The following DENND3 variants were observed in gnomAD, a reference collection of about 807,000 sequenced individuals.
DENND3 encodes the protein DENN domain containing 3.
Under a neutral mutation model 135.1 loss-of-function variants are expected in DENND3, and 88 were observed. The ratio of observed to expected loss-of-function variants is 0.65; its 90% CI spans 0.55 to 0.78. DENND3 has a LOEUF of 0.78. DENND3 is among the 30% of genes least tolerant of loss of function. The pLI is 0.00. For synonymous variants in DENND3, 693 were observed against 712.3 expected (o/e 0.97, Z 0.43); for missense variants, 1,392 against 1,688.4 (o/e 0.82, Z 3.08).
chr8:141,191,355 A>G (rs1824728303), intron 20 of DENND3: 2 of 152,242 alleles, frequency 1.3e-5, no homozygotes, highest in Non-Finnish European at 2.9e-5. Flanking sequence ...TCTGAGTATC[A>G]ATATCAATAG....
Position 141,175,634 on chromosome 8 carries a change from T to TA in DENND3, c.2535+176dup, listed in dbSNP as rs1286594056. 1.1e-6 allele frequency: 1 copy of TA among 914,156 alleles called. No individual in the cohort carries two copies. Among genetic ancestry groups the TA allele is most frequent in the African/African-American group, 1.6e-5 (1 of 60,988 alleles). 56.6% of individuals were successfully genotyped at this position (914,156 alleles called of 1,614,324 possible). ...ATCTGTAAAGTAGGAATAAGGCTGA[T>TA]ACCTTCTCAGTGGGTGGTGGAGATT... On this transcript the variant is annotated intron_variant, in intron 14 of 22. Coordinates refer to ENST00000519811, the MANE Select transcript of DENND3 (RefSeq NM_001352890.3). The surrounding 1 kb of genome is among the most constrained non-coding windows in gnomAD (Gnocchi z 5.4).
intron 18 of DENND3, among the ~76,000 whole-genome samples, chr8:141,187,904 A>G (rs1426901844): frequency 6.6e-6 from 1 of 152,224 alleles, no homozygotes; most frequent in Non-Finnish European, 1.5e-5. Context: ...AAGCATTTCA[A>G]GGCTGGGCGC....
intron 3 of DENND3, among the ~76,000 whole-genome samples, chr8:141,140,162 A>G (rs1817276930): frequency 6.6e-6 from 1 of 152,132 alleles, no homozygotes. Context: ...TCAGCCTCCA[A>G]AAGTGTTGGG....
chr8:141,131,878 C>T (rs915689712), intron 1 of DENND3, among the ~76,000 whole-genome samples: 2 of 152,056 alleles, frequency 1.3e-5, no homozygotes, highest in Non-Finnish European at 2.9e-5. Flanking sequence ...ACTAGCGTCT[C>T]GGTGGTGGCG....
At position 141,160,717 on chromosome 8, in the gene DENND3, C is replaced by A. The variant is rs753582837; in HGVS notation, c.1282C>A (p.Arg428=). 6.2e-7 allele frequency: 1 copy of A among 1,613,208 alleles called. No individual in the cohort carries two copies. Among genetic ancestry groups the A allele is most frequent in the Non-Finnish European group, 8.5e-7 (1 of 1,179,860 alleles). ...TDLKEGRAHR[R]SWQQKLNCQI... is the part of the protein sequence containing the mutation. The stretch of plus-strand genomic sequence containing the variant: ...CCTGAAGGAGGGCCGAGCCCACCGG[C>A]GGTCCTGGCAGCAGAAACTCAACTG... Residue 428 remains arginine (R), a synonymous_variant, in exon 9 of 23, where the codon CGG becomes AGG. Coordinates refer to ENST00000519811, the MANE Select transcript of DENND3 (RefSeq NM_001352890.3).
chr8:141,168,579 G>C lies in DENND3; in HGVS notation c.2275+54G>C, dbSNP rs1360217368. On this transcript the variant is annotated intron_variant, in intron 13 of 22. Coordinates refer to ENST00000519811, the MANE Select transcript of DENND3 (RefSeq NM_001352890.3). The surrounding 1 kb of genome is among the most constrained non-coding windows in gnomAD (Gnocchi z 6.2). ...TTTTATTATTTAGAGACAGGGTCTG[G>C]CTCTGTCGCCCAGGCTGGAGTGGAC... The C allele has an allele frequency of 6.5e-7, 1 of 1,542,234 alleles. No homozygotes were observed. Among genetic ancestry groups the C allele is most frequent in the Middle Eastern group, 1.8e-4 (1 of 5,674 alleles).
chr8:141,143,068 A>G (rs886907500), intron 4 of DENND3: 1 of 152,232 alleles, frequency 6.6e-6, no homozygotes, highest in Non-Finnish European at 1.5e-5. Context: ...TCAGAACTAG[A>G]AGGGGCGAAA....
Position 141,194,026 on chromosome 8 carries a change from C to T in DENND3, c.3637-7C>T, listed in dbSNP as rs934170313. 12 of 1,612,792 alleles carry T rather than the reference C, an allele frequency of 7.4e-6. No individual in the cohort carries two copies. Among genetic ancestry groups the T allele is most frequent in the East Asian group, 2.2e-5 (1 of 44,866 alleles). On this transcript the variant is annotated splice_region_variant and splice_polypyrimidine_tract_variant and intron_variant, in intron 22 of 22. Transcript: ENST00000519811. ...CCCTGCTGACCCCTCCCGTTTCTCC[C>T]TGGCAGGTCTGGGTGGGCAGCCGAG...
intron 20 of DENND3, chr8:141,191,785 T>C (rs1824796673): frequency 6.5e-6 from 1 of 152,856 alleles, no homozygotes; most frequent in South Asian, 2.1e-4. Flanking sequence ...CGGTTGTCCT[T>C]CTTCCCCTCA....
intron 1 of DENND3, among the ~76,000 whole-genome samples, chr8:141,135,289 C>G (rs893503624): frequency 5.3e-5 from 8 of 151,996 alleles, no homozygotes; most frequent in Non-Finnish European, 8.8e-5. Context: ...GTAGCTGGGA[C>G]CACAGGCATG....
chr8:141,192,718 G>A, intron 22 of DENND3, 55 bp downstream of exon 22: 2 of 1,609,202 alleles, frequency 1.2e-6, no homozygotes, highest in East Asian at 2.2e-5. Flanking sequence ...GCTTGCCCTG[G>A]CCGCATCCCC....
At chr8:141,136,224 C>T (rs575357505) in intron 1 of DENND3, among the ~76,000 whole-genome samples, 21 of 152,288 alleles carry the variant, frequency 1.4e-4, no homozygotes, top group Non-Finnish European at 2.5e-4. Context: ...GATCCCAGTC[C>T]GCAGCCTGGA....
chr8:141,190,587 C>A, intron 20 of DENND3, 170 bp downstream of exon 20: 1 of 1,070,188 alleles, frequency 9.3e-7, no homozygotes, highest in Non-Finnish European at 1.3e-6. Flanking sequence ...ACCTGCACTG[C>A]TGCTCCTGGG....
chr8:141,156,723 G>A lies in DENND3; in HGVS notation c.1196+753G>A, dbSNP rs140801063. ...CTGATGGGCATGACGCATTCTGTCC[G>A]AGCTAGAAGTTGTCCATTTCTTTCA... is the stretch of plus-strand genomic sequence containing the variant. On this transcript the variant is annotated intron_variant, in intron 8 of 22. Coordinates refer to ENST00000519811, the MANE Select transcript of DENND3 (RefSeq NM_001352890.3). 2.5e-3 allele frequency among the ~76,000 whole-genome samples: 386 copies of A among 152,042 alleles called. 1 individual carries two copies. The highest frequency in any genetic ancestry group is 8.7e-3 in the African/African-American group (361 of 41,478).
rs1025820419 is a variant in DENND3, at chr8:141,190,642, G to C, written c.3379+225G>C. On this transcript the variant is annotated intron_variant, in intron 20 of 22. Transcript: ENST00000519811. Reference sequence around the variant, plus strand: ...TGCCTTTCTACCCAGCGGCTGACGGGATGCCTGTCTTGCCTGGACGCACCA... The same window carrying C: ...TGCCTTTCTACCCAGCGGCTGACGGCATGCCTGTCTTGCCTGGACGCACCA... 17 of 578,194 alleles carry C rather than the reference G, an allele frequency of 2.9e-5. No homozygotes were observed. The African/African-American group carries it at 3.1e-4, about 10-fold the overall frequency. The allele number at this position is 578,194 out of a possible 1,614,324, so 35.8% of individuals were successfully genotyped here.
At position 141,139,338 on chromosome 8, in the gene DENND3, C is replaced by T. The variant is rs962149439; in HGVS notation, c.501+1201C>T. Among the ~76,000 whole-genome samples, 11 of 152,134 alleles carry T rather than the reference C, an allele frequency of 7.2e-5. No individual in the cohort carries two copies. Among genetic ancestry groups the T allele is most frequent in the Non-Finnish European group, 1.3e-4 (9 of 68,030 alleles). On this transcript the variant is annotated intron_variant, in intron 3 of 22. Coordinates refer to ENST00000519811, the MANE Select transcript of DENND3 (RefSeq NM_001352890.3). The surrounding 1 kb of genome is among the most constrained non-coding windows in gnomAD (Gnocchi z 4.2). ...GCTCATGGGGCAGCACAGACAGGCCCGGATGTTCTTAATGAATATGCAGGA... is the reference window on the plus strand; with the variant it reads ...GCTCATGGGGCAGCACAGACAGGCCTGGATGTTCTTAATGAATATGCAGGA...
chr8:141,168,627 C>A lies in DENND3; in HGVS notation c.2275+102C>A. On this transcript the variant is annotated intron_variant, in intron 13 of 22. Transcript: ENST00000519811. This position sits in a 1 kb window ranked among gnomAD's most constrained non-coding sequence, Gnocchi z 6.2. Reference sequence around the variant, plus strand: ...GACTGGCAATCACAGCTCACTGCAACCTCCACCTCCTGGGCTCAAGCAGTC... The same window carrying A: ...GACTGGCAATCACAGCTCACTGCAAACTCCACCTCCTGGGCTCAAGCAGTC... 7.2e-7 allele frequency: 1 copy of A among 1,396,650 alleles called. No individual in the cohort carries two copies. The highest frequency in any genetic ancestry group is 9.6e-7 in the Non-Finnish European group (1 of 1,044,398). The allele number at this position is 1,396,650 out of a possible 1,614,324, so 86.5% of individuals were successfully genotyped here.
intron 18 of DENND3, among the ~76,000 whole-genome samples, chr8:141,185,837 A>G (rs77776745): frequency 0.069 from 10,439 of 151,800 alleles, 898 homozygotes; most frequent in African/African-American, 0.21. Flanking sequence ...ACAGACAAAT[A>G]ATAATAATAA....
chr8:141,138,601 G>C lies in DENND3; in HGVS notation c.501+464G>C, dbSNP rs888418436. Among the ~76,000 whole-genome samples, 47 of 152,038 alleles carry C rather than the reference G, an allele frequency of 3.1e-4. 1 individual carries two copies. Among genetic ancestry groups the C allele is most frequent in the Non-Finnish European group, 5.9e-5 (4 of 68,000 alleles). On this transcript the variant is annotated intron_variant, in intron 3 of 22. Coordinates refer to ENST00000519811, the MANE Select transcript of DENND3 (RefSeq NM_001352890.3). The surrounding 1 kb of genome is among the most constrained non-coding windows in gnomAD (Gnocchi z 4.8). ...GGGTTTCACCATGTTGGCCGGGCTG[G>C]TTTCGAACTCCTGACCTCAGGTGAT...
Sources: gnomAD v4.1 joint callset for allele counts (sites outside exome capture counted in the v4.1 genomes callset) on GRCh38, gnomAD v4.1.1 for gene constraint, Gnocchi (gnomAD v3.1) non-coding constraint, MANE v1.5 for transcripts, NCBI Gene and HGNC (gene_info 2026-07-23, HGNC 2026-07-21) for gene names.